Variants in MYH7 observed in about 807,000 individuals in gnomAD.
MYH7 encodes the protein myosin heavy chain 7.
A neutral mutation model predicts 225.4 loss-of-function variants in MYH7; 129 were observed. That is an observed-to-expected ratio of 0.57 (90% confidence interval 0.50 to 0.66). MYH7 has a LOEUF of 0.66. MYH7 is among the 30% of genes least tolerant of loss of function. The pLI, the probability that MYH7 is intolerant of heterozygous loss-of-function variation, is 0.00. For missense variants in MYH7, 1,649 were observed against 2,517.0 expected (o/e 0.66, Z 7.38); for synonymous variants, 971 against 1,007.6 (o/e 0.96, Z 0.69).
intron 37 of MYH7, among the ~76,000 whole-genome samples, chr14:23,414,618 G>T (rs1892108378): frequency 6.6e-6 from 1 of 152,318 alleles, no homozygotes; most frequent in African/African-American, 2.4e-5. Flanking sequence ...AGTCCACACT[G>T]CCCTGGGCAA....
In MYH7 at chr14:23,419,844, C is replaced by A. The variant is rs1796223369; in HGVS notation, c.3726+1G>T. 6.2e-7 allele frequency: 1 copy of A among 1,613,774 alleles called. No individual in the cohort carries two copies. The highest frequency in any genetic ancestry group is 8.5e-7 in the Non-Finnish European group (1 of 1,179,880). ...AGGAGGGGAGGCCGAGCAGAGCCTGCCTTGGCCTTGATGATCTGCTCCATG... is the reference window on the plus strand; with the variant it reads ...AGGAGGGGAGGCCGAGCAGAGCCTGACTTGGCCTTGATGATCTGCTCCATG... On this transcript the variant is annotated splice_donor_variant, in intron 27 of 39. Transcript: ENST00000355349. LOFTEE classifies it high-confidence loss of function.
In MYH7 at chr14:23,425,728, A is replaced by G; in HGVS notation, c.2253T>C (p.Ile751=). The change falls in exon 20 of 40, where the codon ATT becomes ATC. Residue 751 remains isoleucine (I), a synonymous_variant. Coordinates refer to ENST00000355349, the MANE Select transcript of MYH7 (RefSeq NM_000257.4). This position sits in a 1 kb window ranked among gnomAD's most constrained non-coding sequence, Gnocchi z 4.6. The part of the protein sequence containing the change: ...GAEKLLSSLD[I]DHNQYKFGHT... Reference sequence around the variant, plus strand: ...GGCCAAACTTGTACTGGTTGTGATCAATGTCCAGGGAGCTGAGCAGCTTCT... The same window carrying G: ...GGCCAAACTTGTACTGGTTGTGATCGATGTCCAGGGAGCTGAGCAGCTTCT... 1 of 1,614,022 alleles carries G rather than the reference A, an allele frequency of 6.2e-7. No individual in the cohort carries two copies.
chr14:23,430,494 T>G, intron 11 of MYH7, 66 bp downstream of exon 11: 1 of 1,305,086 alleles, frequency 7.7e-7, no homozygotes, highest in Non-Finnish European at 1.1e-6. Context: ...TAGCTCTGCT[T>G]TTGGACCCCT....
chr14:23,432,575 C>A, intron 5 of MYH7, 64 bp downstream of exon 5: 1 of 1,614,172 alleles, frequency 6.2e-7, no homozygotes, highest in South Asian at 1.1e-5. Flanking sequence ...TTCTCCCTTC[C>A]TTCTCCCTCT....
rs781203524 is a variant in MYH7 at position 23,417,283 on chromosome 14, C to T, written c.4389G>A (p.Ser1463=). The change falls in exon 32 of 40, where the codon TCG becomes TCA. Residue 1463 remains serine, a synonymous_variant. Coordinates refer to ENST00000355349, the MANE Select transcript of MYH7 (RefSeq NM_000257.4). ...LAEWKQKYEE[S]QSELESSQKE... is the part of the protein sequence containing the mutation. ...TCTGCGAGGACTCCAGCTCCGACTG[C>T]GACTCCTCATACTTCTGCTTCCACT... 33 of 1,614,016 alleles carry T rather than the reference C, an allele frequency of 2.0e-5. No homozygotes were observed. The highest frequency in any genetic ancestry group is 5.3e-5 in the African/African-American group (4 of 74,914).
chr14:23,434,277 G>A (rs1347205833), intron 1 of MYH7, 28 bp from the exon 2 acceptor site: 2 of 999,104 alleles, frequency 2.0e-6, no homozygotes, highest in Non-Finnish European at 2.4e-6. Context: ...GCTGTGTCAG[G>A]GCAGGCTGTG....
chr14:23,417,922 T>A, intron 30 of MYH7: 9 of 871,142 alleles, frequency 1.0e-5, no homozygotes, highest in Non-Finnish European at 1.8e-5. Context: ...TGAGGAGGTA[T>A]GGGCTTCTGC....
chr14:23,415,766 C>T lies in MYH7; in HGVS notation c.5020G>A (p.Val1674Met), dbSNP rs397516235. Residue 1674 changes from valine (V) to methionine (M), a missense_variant, in exon 35 of 40, where the codon GTG (valine) becomes ATG (methionine). Val to Met is a conservative substitution (Grantham distance 21). Around this residue, in one of 12 missense-constraint regions of MYH7, gnomAD observed 687 missense variants for 913.8 expected, o/e 0.75. Transcript: ENST00000355349. The surrounding 1 kb of genome is among the most constrained non-coding windows in gnomAD (Gnocchi z 6.3). Reference sequence around the variant, plus strand: ...TGCAGCAGGTTGTTGCGCCGCTCCACGATGGCGATGTTCTCCTTCAGGTCG... The same window carrying T: ...TGCAGCAGGTTGTTGCGCCGCTCCATGATGGCGATGTTCTCCTTCAGGTCG... The part of the protein sequence containing the change: ...NDDLKENIAI[V>M]ERRNNLLQAE... 9.9e-6 allele frequency: 16 copies of T among 1,614,090 alleles called. No individual in the cohort carries two copies. Among genetic ancestry groups the T allele is most frequent in the African/African-American group, 2.7e-5 (2 of 74,930 alleles).
chr14:23,434,370 G>T, intron 1 of MYH7, 121 bp from the exon 2 acceptor site: 1 of 626,616 alleles, frequency 1.6e-6, no homozygotes, highest in Non-Finnish European at 2.0e-6. Flanking sequence ...AGGTGGAAAG[G>T]GTGGTCAGCT....
chr14:23,424,846 C>G lies in MYH7; in HGVS notation c.2602G>C (p.Ala868Pro), dbSNP rs727504356. Residue 868 changes from alanine (A) to proline (P), a missense_variant, in exon 22 of 40, where the codon GCT becomes CCT. Around this residue, in one of 12 missense-constraint regions of MYH7, gnomAD observed 282 missense variants for 315.3 expected, o/e 0.89. Transcript: ENST00000355349. Reference sequence around the variant, plus strand: ...TTCTCCTCCAGCTCCTTGCGGCGAGCCTCGGACTTCTCTAGCGCCTCTTTG... The same window carrying G: ...TTCTCCTCCAGCTCCTTGCGGCGAGGCTCGGACTTCTCTAGCGCCTCTTTG... ...RLKEALEKSE[A>P]RRKELEEKMV... 1 of 1,614,230 alleles carries G rather than the reference C, an allele frequency of 6.2e-7. No homozygotes were observed. The highest frequency in any genetic ancestry group is 8.5e-7 in the Non-Finnish European group (1 of 1,180,048).
intron 18 of MYH7, 81 bp downstream of exon 18, chr14:23,426,696 A>G: frequency 2.3e-6 from 3 of 1,283,736 alleles, no homozygotes; most frequent in Admixed American, 1.7e-5. Context: ...CTGTGGTGGT[A>G]GGTAGGGAGA....
intron 33 of MYH7, 59 bp from the exon 34 acceptor site, chr14:23,416,371 G>C (rs926251807): frequency 3.2e-6 from 5 of 1,548,026 alleles, no homozygotes. Flanking sequence ...GGCAGGGTGG[G>C]GGCCTGCTCA....
Position 23,412,792 on chromosome 14 carries a change from C to A in MYH7, c.*62G>T, listed in dbSNP as rs1308662448. The stretch of plus-strand genomic sequence containing the variant: ...TGCTTCCTCCCAAGGAGCTGTTACA[C>A]AGGCTCCAGCATGGGGCTTTGCTGG... On this transcript the variant is annotated 3_prime_UTR_variant, in exon 40 of 40. Coordinates refer to ENST00000355349, the MANE Select transcript of MYH7 (RefSeq NM_000257.4). 4.4e-6 allele frequency: 7 copies of A among 1,587,426 alleles called. No individual in the cohort carries two copies. Among genetic ancestry groups the A allele is most frequent in the Non-Finnish European group, 6.1e-6 (7 of 1,155,952 alleles).
At chr14:23,414,136 G>A (rs1212354446) in intron 37 of MYH7, 34 bp from the exon 38 acceptor site, 1 of 1,588,616 alleles carries the variant, frequency 6.3e-7, no homozygotes, top group East Asian at 2.2e-5. Context: ...GGGTGAAGAT[G>A]GCACAGTCAT....
intron 25 of MYH7, 40 bp downstream of exon 25, chr14:23,422,140 G>T (rs1378874782): frequency 6.2e-7 from 1 of 1,611,662 alleles, no homozygotes; most frequent in Non-Finnish European, 8.5e-7. Context: ...ACTGTTATGG[G>T]CTGGGGAGGA....
chr14:23,428,833 C>T (rs1411834822), intron 14 of MYH7, 122 bp downstream of exon 14: 7 of 1,578,436 alleles, frequency 4.4e-6, no homozygotes, highest in Middle Eastern at 4.0e-4. Flanking sequence ...ATGACTGCCT[C>T]TGTCACCACA....
At chr14:23,422,127 T>G in intron 25 of MYH7, 53 bp downstream of exon 25, 2 of 1,611,058 alleles carry the variant, frequency 1.2e-6, no homozygotes, top group Non-Finnish European at 1.7e-6. Flanking sequence ...TGGGTCTGCT[T>G]GTACTGTTAT....
chr14:23,430,806 A>G, intron 10 of MYH7, 95 bp downstream of exon 10: 2 of 1,276,110 alleles, frequency 1.6e-6, no homozygotes, highest in Non-Finnish European at 2.3e-6. Flanking sequence ...CAGCAGTGCC[A>G]TGAAACCCAG....
intron 33 of MYH7, among the ~76,000 whole-genome samples, chr14:23,416,528 C>T (rs2856905): frequency 1.3e-5 from 2 of 151,912 alleles, no homozygotes; most frequent in Admixed American, 1.3e-4. Context: ...GCTATGAAGA[C>T]AAGGAGGAAA....
Sources: gnomAD v4.1 joint callset for allele counts (sites outside exome capture counted in the v4.1 genomes callset) on GRCh38, gnomAD v4.1.1 for gene constraint, gnomAD v4.1.1 regional missense constraint, Gnocchi (gnomAD v3.1) non-coding constraint, MANE v1.5 for transcripts, NCBI Gene and HGNC (gene_info 2026-07-23, HGNC 2026-07-21) for gene names.